The following USP24 variants were observed in gnomAD, a reference collection of about 807,000 sequenced individuals.
USP24 encodes ubiquitin carboxyl-terminal hydrolase 24.
Under a neutral mutation model 361.6 loss-of-function variants are expected in USP24, and 97 were observed. The observed-to-expected ratio is 0.27, with a 90% confidence interval of 0.23 to 0.32. The LOEUF (loss-of-function observed/expected upper bound fraction) is 0.32, where lower values mean the gene tolerates loss of function less well. Among genes scored for constraint, USP24 ranks in the 10% least tolerant of loss-of-function variants. The probability of loss-of-function intolerance (pLI) is 1.00; values close to 1 mark genes in which losing one functional copy is unlikely to be tolerated. For synonymous variants in USP24, 1,098 were observed against 1,124.6 expected, an observed-to-expected ratio of 0.98 and a Z score of 0.47; for missense variants, 2,353 against 3,165.6, an observed-to-expected ratio of 0.74 and a Z score of 6.16.
Position 55,110,145 on chromosome 1 carries a change from T to A in USP24, c.4570+40A>T, listed in dbSNP as rs765866862. On this transcript the variant is annotated intron_variant, in intron 39 of 67. Coordinates refer to ENST00000294383, the MANE Select transcript of USP24 (RefSeq NM_015306.3). ...TCCGTGTGACTTTCTCTTCTACTCT[T>A]CCCCAGCCCCTCTCCCCTACATATT... 6.1e-6 allele frequency: 9 copies of A among 1,481,774 alleles called. No homozygotes were observed. In the East Asian group the frequency reaches 2.2e-4, roughly 37 times the overall value. 91.8% of individuals were successfully genotyped at this position (1,481,774 alleles called of 1,614,324 possible). A position where few individuals can be genotyped will look rare whatever the true frequency, so the allele number is the denominator to read the frequency against.
rs527302214 is a variant in USP24, at chr1:55,148,717, C to T, written c.1861-147G>A. The T allele has an allele frequency of 8.2e-5, 49 of 597,460 alleles. No individual in the cohort carries two copies. In the African/African-American group the frequency reaches 8.8e-4, roughly 11 times the overall value. The allele number at this position is 597,460 out of a possible 1,614,324, so 37.0% of individuals were successfully genotyped here. A position where few individuals can be genotyped will look rare whatever the true frequency, so the allele number is the denominator to read the frequency against. ...ATATTGACCATTTAGAGCTTATCTCCATGCACTCATAATTCAGTCTTCAAC... is the reference window on the plus strand; with the variant it reads ...ATATTGACCATTTAGAGCTTATCTCTATGCACTCATAATTCAGTCTTCAAC... On this transcript the variant is annotated intron_variant, in intron 16 of 67. Transcript: ENST00000294383.
Position 55,067,489 on chromosome 1 carries a change from G to C in USP24, c.*1556C>G, listed in dbSNP as rs1341001758. ...AAAGGCCACTGCCAACCTCCAGCAA[G>C]TCACAGAATAACAATGAAGTCTGAC... On this transcript the variant is annotated 3_prime_UTR_variant, in exon 68 of 68. Transcript: ENST00000294383. 6.6e-6 allele frequency: 1 copy of C among 152,290 alleles called. No individual in the cohort carries two copies. The highest frequency in any genetic ancestry group is 2.1e-4 in the South Asian group (1 of 4,834). The allele number at this position is 152,290 out of a possible 1,614,324, so 9.4% of individuals were successfully genotyped here. A position where few individuals can be genotyped will look rare whatever the true frequency, so the allele number is the denominator to read the frequency against.
chr1:55,184,753 T>C (rs750869292), intron 1 of USP24, among the ~76,000 whole-genome samples: 1 of 152,068 alleles, frequency 6.6e-6, no homozygotes, highest in African/African-American at 2.4e-5. Flanking sequence ...TGCAATGGAA[T>C]TAAAAATCAA....
At position 55,138,959 on chromosome 1, in the gene USP24, A is replaced by G. The variant is rs1646813341; in HGVS notation, c.2802T>C (p.Tyr934=). 2 of 1,613,094 alleles carry G rather than the reference A, an allele frequency of 1.2e-6. No homozygotes were observed. The highest frequency in any genetic ancestry group is 1.7e-6 in the Non-Finnish European group (2 of 1,179,480). ...IERLLLLAER[Y]VITIEDFYSV... ...AGTGGCTTACCTCTATAGTGATCAC[A>G]TAGCGCTCTGCCAGAAGCAGCAATC... The change falls in exon 25 of 68, where the codon TAT becomes TAC. Residue 934 remains tyrosine, a synonymous_variant. Coordinates refer to ENST00000294383, the MANE Select transcript of USP24 (RefSeq NM_015306.3).
chr1:55,187,025 G>A (rs768831643), intron 1 of USP24, among the ~76,000 whole-genome samples: 1 of 151,886 alleles, frequency 6.6e-6, no homozygotes, highest in Non-Finnish European at 1.5e-5. Context: ...CAATAAACCA[G>A]TAAACCAAAT....
At chr1:55,135,276 C>T (rs966290255) in intron 28 of USP24, among the ~76,000 whole-genome samples, 4 of 152,168 alleles carry the variant, frequency 2.6e-5, no homozygotes, top group Non-Finnish European at 5.9e-5. Context: ...TGAGCCACCA[C>T]ACCCAGTCTT....
intron 61 of USP24, among the ~76,000 whole-genome samples, chr1:55,077,854 T>C (rs994025539): frequency 2.0e-5 from 3 of 152,218 alleles, no homozygotes; most frequent in Non-Finnish European, 4.4e-5. Context: ...GGTACAGTAC[T>C]AAGTGAGCAC....
Position 55,154,299 on chromosome 1 carries a change from T to C in USP24, c.1651-19A>G, listed in dbSNP as rs1332383407. The C allele has an allele frequency of 2.5e-6, 4 of 1,594,780 alleles. No homozygotes were observed. The highest frequency in any genetic ancestry group is 1.7e-6 in the Non-Finnish European group (2 of 1,170,256). On this transcript the variant is annotated intron_variant, in intron 14 of 67. Coordinates refer to ENST00000294383, the MANE Select transcript of USP24 (RefSeq NM_015306.3). ...CTAAAACCTACAATAATATTACATA[T>C]GATCAGCCAGCCAATATGCAAATAG...
intron 10 of USP24, among the ~76,000 whole-genome samples, chr1:55,158,397 C>G (rs1290359081): frequency 6.6e-6 from 1 of 152,178 alleles, no homozygotes; most frequent in Admixed American, 6.5e-5. Context: ...TGCATTGGCT[C>G]CATGTGTCAC....
rs1647386735 is a variant in USP24, at chr1:55,154,236, G to C, written c.1695C>G (p.Pro565=). Residue 565 remains proline, a synonymous_variant, in exon 15 of 68, where the codon CCC becomes CCG. Coordinates refer to ENST00000294383, the MANE Select transcript of USP24 (RefSeq NM_015306.3). The stretch of plus-strand genomic sequence containing the variant: ...CCAAGGCCTGCTGAATAAGGCTACT[G>C]GGCAGGGTTGGAAGGTGAGCCAGTT... The part of the protein sequence containing the change: ...LWELAHLPTL[P]SSLIQQALEE... 1.9e-6 allele frequency: 3 copies of C among 1,613,122 alleles called. No homozygotes were observed. The Admixed American group carries it at 5.0e-5, about 27-fold the overall frequency.
At chr1:55,171,723 G>T (rs1402948048) in intron 4 of USP24, 45 bp from the exon 5 acceptor site, 2 of 1,561,386 alleles carry the variant, frequency 1.3e-6, no homozygotes, top group Non-Finnish European at 1.7e-6. Flanking sequence ...TATTTCTATA[G>T]CAACACATAT....
chr1:55,173,912 A>G (rs1649697705), intron 3 of USP24, among the ~76,000 whole-genome samples: 1 of 152,264 alleles, frequency 6.6e-6, no homozygotes, highest in African/African-American at 2.4e-5. Flanking sequence ...ATGTGGATTA[A>G]GCAGCAATCC....
intron 1 of USP24, among the ~76,000 whole-genome samples, chr1:55,208,430 C>A (rs944753981): frequency 1.3e-5 from 2 of 151,980 alleles, no homozygotes; most frequent in African/African-American, 4.8e-5. Flanking sequence ...AAGTTCAAGA[C>A]CAGCCTGGCC....
At chr1:55,078,939 T>C (rs1029255850) in intron 60 of USP24, among the ~76,000 whole-genome samples, 13 of 78,728 alleles carry the variant, frequency 1.7e-4, no homozygotes, top group Non-Finnish European at 3.6e-4. Context: ...ATCCAAAAAA[T>C]ATTAAGCAAA....
chr1:55,120,752 C>T lies in USP24; in HGVS notation c.4352G>A (p.Arg1451His), dbSNP rs370480612. 2.1e-5 allele frequency: 33 copies of T among 1,562,678 alleles called. No individual in the cohort carries two copies. Among genetic ancestry groups the T allele is most frequent in the African/African-American group, 9.5e-5 (7 of 73,444 alleles). Residue 1451 changes from arginine to histidine, a missense_variant, in exon 38 of 68, where the codon CGC becomes CAC. Transcript: ENST00000294383. ...GTACAGCTGATCACAGGCAACCCGG[C>T]GAATCTGAAATTACATGATCAGCAG... ...ILLGSPSAEI[R>H]RVACDQLYTL...
Position 55,095,329 on chromosome 1 carries a change from A to G in USP24, c.6129T>C (p.Ser2043=). The part of the protein sequence containing the change: ...NAYMLFYQRV[S]DQNSPVLPKK... ...TTGGTAATACTGGGGAGTTCTGATC[A>G]GACACCCTTTGGTAGAAAAGCATAT... The change falls in exon 51 of 68, where the codon TCT becomes TCC. Residue 2043 remains serine (S), a synonymous_variant. Transcript: ENST00000294383. The G allele has an allele frequency of 6.2e-7, 1 of 1,613,614 alleles. No homozygotes were observed. Among genetic ancestry groups the G allele is most frequent in the Non-Finnish European group, 8.5e-7 (1 of 1,179,746 alleles).
intron 3 of USP24, among the ~76,000 whole-genome samples, chr1:55,175,022 T>C (rs1247468808): frequency 6.6e-6 from 1 of 152,128 alleles, no homozygotes; most frequent in East Asian, 1.9e-4. Context: ...AAAATGAAGA[T>C]AAATCTTCAT....
In USP24 at chr1:55,177,995, C is replaced by T. The variant is rs935559336; in HGVS notation, c.462G>A (p.Leu154=). ...GTCTTGCTAGGTAGGTAGATGCCAACAGGCATTTGCCTAGTGATTCTTCTC... is the reference window on the plus strand; with the variant it reads ...GTCTTGCTAGGTAGGTAGATGCCAATAGGCATTTGCCTAGTGATTCTTCTC... The part of the protein sequence containing the change: ...YKREESLGKC[L]LASTYLARLG... The change falls in exon 2 of 68, where the codon CTG becomes CTA. Residue 154 remains leucine (L), a synonymous_variant. Transcript: ENST00000294383. The T allele has an allele frequency of 1.2e-5, 18 of 1,551,496 alleles. No individual in the cohort carries two copies. Among genetic ancestry groups the T allele is most frequent in the African/African-American group, 2.7e-5 (2 of 73,042 alleles).
intron 1 of USP24, among the ~76,000 whole-genome samples, chr1:55,209,839 C>CT (rs1459525991): frequency 3.9e-5 from 6 of 151,962 alleles, no homozygotes; most frequent in African/African-American, 1.5e-4. Flanking sequence ...TCTACTAAAT[C>CT]TTTTTTAACA....
Sources: allele counts gnomAD v4.1 joint callset (sites outside exome capture counted in the v4.1 genomes callset), GRCh38; gene constraint gnomAD v4.1.1; transcripts MANE v1.5; gene names NCBI Gene and HGNC (gene_info 2026-07-23, HGNC 2026-07-21).